Variants in PDZRN3 observed in about 807,000 individuals in gnomAD.
The protein encoded by PDZRN3 is PDZ domain containing ring finger 3.
In PDZRN3, 38 loss-of-function variants were observed where a neutral mutation model predicts 85.7. The observed-to-expected ratio is 0.44, with a 90% CI of 0.34 to 0.58. The LOEUF is 0.58. PDZRN3 is among the 20% of genes least tolerant of loss of function. PDZRN3 has a pLI of 0.01. For synonymous variants in PDZRN3, 759 were observed against 638.0 expected, an observed-to-expected ratio of 1.19 and a Z score of -2.86; for missense variants, 1,629 against 1,506.4, an observed-to-expected ratio of 1.08 and a Z score of -1.35.
intron 3 of PDZRN3, among the ~76,000 whole-genome samples, chr3:73,423,706 T>G (rs902595720): frequency 6.6e-6 from 1 of 152,212 alleles, no homozygotes; most frequent in African/African-American, 2.4e-5. Flanking sequence ...AAGTGGCTTT[T>G]TGTACTTTTT....
rs762684839 is a variant in PDZRN3, at chr3:73,602,464, TTGG to T, written c.811-6_811-4del. The T allele has an allele frequency of 2.1e-4, 301 of 1,407,674 alleles. No individual in the cohort carries two copies. The highest frequency in any genetic ancestry group is 4.7e-6 in the Non-Finnish European group (5 of 1,054,650). 87.2% of individuals were successfully genotyped at this position (1,407,674 alleles called of 1,614,324 possible). Reference sequence around the variant, plus strand: ...CTGGATGATCCATCGTGGTTATCCTTTGGGTTAAAAAAAAAAACATGCATGAAT... The same window carrying T: ...CTGGATGATCCATCGTGGTTATCCTTGTTAAAAAAAAAAACATGCATGAAT... On this transcript the variant is annotated splice_region_variant and splice_polypyrimidine_tract_variant and intron_variant, in intron 2 of 9. Transcript: ENST00000263666.
chr3:73,436,774 G>A (rs1702538030), intron 3 of PDZRN3, among the ~76,000 whole-genome samples: 1 of 152,116 alleles, frequency 6.6e-6, no homozygotes, highest in South Asian at 2.1e-4. Context: ...CCGGCCGGGT[G>A]CAGTGGCTCA....
intron 3 of PDZRN3, among the ~76,000 whole-genome samples, chr3:73,595,734 C>T (rs1019849622): frequency 1.3e-5 from 2 of 152,004 alleles, no homozygotes; most frequent in African/African-American, 4.8e-5. Flanking sequence ...AAAAAGGATT[C>T]CTCTAGGAAT....
chr3:73,559,240 A>C (rs2106824432), intron 3 of PDZRN3, among the ~76,000 whole-genome samples: 1 of 152,348 alleles, frequency 6.6e-6, no homozygotes, highest in Admixed American at 6.5e-5. Context: ...AGAAAGAGTT[A>C]CTGAAAACTG....
At chr3:73,416,830 T>C (rs560912037) in intron 3 of PDZRN3, among the ~76,000 whole-genome samples, 2 of 150,316 alleles carry the variant, frequency 1.3e-5, no homozygotes, top group South Asian at 4.3e-4. Flanking sequence ...CCAAACCATA[T>C]CCATCTTTAA....
At chr3:73,570,481 G>A (rs1023829125) in intron 3 of PDZRN3, among the ~76,000 whole-genome samples, 2 of 152,112 alleles carry the variant, frequency 1.3e-5, no homozygotes, top group African/African-American at 4.8e-5. Flanking sequence ...CCTCACACCT[G>A]CACCTGACAT....
At chr3:73,590,260 C>A (rs1324346814) in intron 3 of PDZRN3, among the ~76,000 whole-genome samples, 3 of 115,380 alleles carry the variant, frequency 2.6e-5, no homozygotes, top group Admixed American at 9.8e-5. Flanking sequence ...CAAAGCAAGA[C>A]TCTGTCTCAA....
chr3:73,464,349 A>C (rs1488775973), intron 3 of PDZRN3, among the ~76,000 whole-genome samples: 1 of 152,158 alleles, frequency 6.6e-6, no homozygotes, highest in Non-Finnish European at 1.5e-5. Flanking sequence ...TATTGTGAGT[A>C]ATATCTTTTT....
intron 3 of PDZRN3, among the ~76,000 whole-genome samples, chr3:73,522,993 A>G (rs1290967608): frequency 6.6e-6 from 1 of 152,186 alleles, no homozygotes; most frequent in African/African-American, 2.4e-5. Context: ...GAAAAACACA[A>G]TAAAAGGAAG....
intron 3 of PDZRN3, among the ~76,000 whole-genome samples, chr3:73,548,290 T>C (rs1460221773): frequency 6.6e-6 from 1 of 152,204 alleles, no homozygotes; most frequent in Non-Finnish European, 1.5e-5. Context: ...TGGAAGTTTC[T>C]TGTAACCAGC....
At chr3:73,406,981 C>A (rs1035490232) in intron 3 of PDZRN3, among the ~76,000 whole-genome samples, 1 of 152,224 alleles carries the variant, frequency 6.6e-6, no homozygotes, top group African/African-American at 2.4e-5. Context: ...TCCCTCTCTG[C>A]TAAAAGAACT....
chr3:73,535,415 C>G (rs1172823301), intron 3 of PDZRN3, among the ~76,000 whole-genome samples: 1 of 152,206 alleles, frequency 6.6e-6, no homozygotes, highest in East Asian at 1.9e-4. Flanking sequence ...ATTCCTCTCT[C>G]TACACCTGAA....
intron 3 of PDZRN3, among the ~76,000 whole-genome samples, chr3:73,519,769 G>T (rs80347192): frequency 3.3e-5 from 5 of 152,186 alleles, no homozygotes; most frequent in Non-Finnish European, 7.3e-5. Context: ...AATGTGATAG[G>T]AGGGCAGATT....
intron 3 of PDZRN3, among the ~76,000 whole-genome samples, chr3:73,510,973 G>C (rs780570754): frequency 6.6e-6 from 1 of 152,126 alleles, no homozygotes; most frequent in Non-Finnish European, 1.5e-5. Flanking sequence ...CAGAGAAACC[G>C]TGGCTGGGGG....
intron 3 of PDZRN3, chr3:73,433,606 T>C (rs1243711723): frequency 5.6e-6 from 8 of 1,422,222 alleles, no homozygotes; most frequent in African/African-American, 1.4e-5. Flanking sequence ...TGGGTGCCTA[T>C]GCACTTCTAT....
In PDZRN3 at chr3:73,425,171, C is replaced by T. The variant is rs547606890; in HGVS notation, c.919-20776G>A. On this transcript the variant is annotated intron_variant, in intron 3 of 9. Transcript: ENST00000263666. The stretch of plus-strand genomic sequence containing the variant: ...CTGGGACCACAGGTGCCTGCCACCA[C>T]GCCTGTCTAATTTTTTTTTTTGTAT... Among the ~76,000 whole-genome samples, 5 of 152,080 alleles carry T rather than the reference C, an allele frequency of 3.3e-5. No individual in the cohort carries two copies. In the South Asian group the frequency reaches 6.2e-4, roughly 19 times the overall value.
At chr3:73,448,790 G>A (rs994864338) in intron 3 of PDZRN3, among the ~76,000 whole-genome samples, 1 of 152,190 alleles carries the variant, frequency 6.6e-6, no homozygotes, top group Non-Finnish European at 1.5e-5. Flanking sequence ...GATATTCACA[G>A]TATGTAACAC....
At chr3:73,529,019 T>C (rs1431900755) in intron 3 of PDZRN3, among the ~76,000 whole-genome samples, 1 of 152,080 alleles carries the variant, frequency 6.6e-6, no homozygotes, top group Non-Finnish European at 1.5e-5. Context: ...AAAATCACTC[T>C]GACAAGGTTA....
intron 1 of PDZRN3, among the ~76,000 whole-genome samples, chr3:73,620,650 T>C (rs536823164): frequency 1.2e-4 from 18 of 151,002 alleles, no homozygotes; most frequent in South Asian, 6.3e-4. Context: ...TATCTCCGCT[T>C]ACTGCAAGCT....
Sources: gnomAD v4.1 joint callset for allele counts (sites outside exome capture counted in the v4.1 genomes callset) on GRCh38, gnomAD v4.1.1 for gene constraint, MANE v1.5 for transcripts, NCBI Gene and HGNC (gene_info 2026-07-23, HGNC 2026-07-21) for gene names.